Variants in EPS15 observed in about 807,000 individuals in gnomAD.
EPS15 encodes the protein epidermal growth factor receptor pathway substrate 15, also known as epidermal growth factor receptor substrate 15.
EPS15 carries 72 observed loss-of-function variants against 113.8 expected under a neutral mutation model. The observed-to-expected ratio is 0.63, with a 90% CI of 0.52 to 0.77. The LOEUF is 0.77. Ranked by LOEUF, EPS15 falls within the 30% of genes least tolerant of loss-of-function variation. The pLI, the probability that EPS15 is intolerant of heterozygous loss-of-function variation, is 0.00. For missense variants in EPS15, 1,048 were observed against 1,045.8 expected, an observed-to-expected ratio of 1.00 and a Z score of -0.03; for synonymous variants, 344 against 363.4, an observed-to-expected ratio of 0.95 and a Z score of 0.61.
At chr1:51,407,709 C>T (rs72694192) in intron 15 of EPS15, among the ~76,000 whole-genome samples, 4,581 of 152,266 alleles carry the variant, frequency 0.03, 73 homozygotes, top group African/African-American at 0.05. Context: ...GTTTATAAAA[C>T]AGGCAACACT....
intron 8 of EPS15, chr1:51,458,677 C>A: frequency 2.7e-6 from 1 of 367,950 alleles, no homozygotes; most frequent in African/African-American, 2.2e-5. Context: ...GCCGAGGCTG[C>A]AGTGAGCTGA....
intron 21 of EPS15, chr1:51,372,363 T>C (rs1342490514): frequency 1.9e-6 from 1 of 536,392 alleles, no homozygotes; most frequent in African/African-American, 1.9e-5. Flanking sequence ...AAACCAGCAG[T>C]GCATTGTTGG....
chr1:51,429,347 CA>C (rs531509808), intron 12 of EPS15, among the ~76,000 whole-genome samples: 148 of 141,046 alleles, frequency 1.0e-3, no homozygotes, highest in South Asian at 2.6e-3. Context: ...AACTCTGTCT[CA>C]AAAAAAAAAA....
intron 23 of EPS15, among the ~76,000 whole-genome samples, chr1:51,363,494 TA>T: frequency 6.6e-6 from 1 of 152,220 alleles, no homozygotes; most frequent in South Asian, 2.1e-4. Context: ...TTCTCTTAAA[TA>T]AATTATAATT....
intron 1 of EPS15, among the ~76,000 whole-genome samples, chr1:51,491,094 G>A (rs1282238867): frequency 6.6e-6 from 1 of 152,240 alleles, no homozygotes; most frequent in African/African-American, 2.4e-5. Context: ...ATCAGGGCCA[G>A]GTAGTAAAAG....
intron 1 of EPS15, among the ~76,000 whole-genome samples, chr1:51,491,190 A>C (rs1644226602): frequency 6.6e-6 from 1 of 152,218 alleles, no homozygotes; most frequent in South Asian, 2.1e-4. Context: ...CTCTTAATGC[A>C]CACAATTTTC....
chr1:51,458,486 C>T (rs969995806), intron 8 of EPS15: 6 of 426,778 alleles, frequency 1.4e-5, no homozygotes, highest in South Asian at 3.2e-5. Context: ...CCTGTAATCC[C>T]GGCACTTTGG....
chr1:51,487,249 C>T (rs896779104), intron 1 of EPS15, among the ~76,000 whole-genome samples: 13 of 151,646 alleles, frequency 8.6e-5, no homozygotes, highest in African/African-American at 2.4e-4. Context: ...CAGATTTGAC[C>T]GAGAAACTGA....
intron 1 of EPS15, among the ~76,000 whole-genome samples, chr1:51,495,332 GTTTTATTTAT>G (rs1644306331): frequency 6.6e-6 from 1 of 150,878 alleles, no homozygotes; most frequent in South Asian, 2.1e-4. Context: ...GACAAAGTGA[GTTTTATTTAT>G]TTTTATTTTT....
In EPS15 at chr1:51,437,492, ATT is replaced by A. The variant is rs765352350; in HGVS notation, c.1040+2853_1040+2854del. Among the ~76,000 whole-genome samples, 583 of 136,798 alleles carry A rather than the reference ATT, an allele frequency of 4.3e-3. 2 individuals carry two copies. Among genetic ancestry groups the A allele is most frequent in the African/African-American group, 0.014 (529 of 37,272 alleles). The allele number at this position is 136,798 out of a possible 152,430, so 89.7% of individuals were successfully genotyped here. A position where few individuals can be genotyped will look rare whatever the true frequency, so the allele number is the denominator to read the frequency against. ...TTGATCCCTGGACTAAAAAAAAAAA[ATT>A]TTTTTTTTTTTTTTTTGAGACAAGA... On this transcript the variant is annotated intron_variant, in intron 12 of 24. Coordinates refer to ENST00000371733, the MANE Select transcript of EPS15 (RefSeq NM_001981.3).
intron 8 of EPS15, among the ~76,000 whole-genome samples, chr1:51,450,530 T>C (rs1413126139): frequency 1.3e-5 from 2 of 151,872 alleles, no homozygotes; most frequent in African/African-American, 2.4e-5. Flanking sequence ...ATATGAAATA[T>C]ACATGTTAAT....
At chr1:51,385,964 G>C (rs747966897) in intron 21 of EPS15, among the ~76,000 whole-genome samples, 8 of 152,084 alleles carry the variant, frequency 5.3e-5, no homozygotes, top group Non-Finnish European at 7.4e-5. Flanking sequence ...TGGTGGTGAT[G>C]ATTGCACAAC....
chr1:51,399,445 G>A (rs888934419), intron 19 of EPS15, among the ~76,000 whole-genome samples: 12 of 151,900 alleles, frequency 7.9e-5, no homozygotes, highest in Non-Finnish European at 1.5e-4. Flanking sequence ...CCAGCTACTC[G>A]GGAGGCTGAG....
intron 21 of EPS15, among the ~76,000 whole-genome samples, chr1:51,385,604 C>T (rs958030029): frequency 8.5e-5 from 13 of 152,178 alleles, no homozygotes; most frequent in African/African-American, 2.7e-4. Flanking sequence ...TCTGTACCCT[C>T]ACATTCACAG....
chr1:51,357,376 GAAAAAA>G (rs56655497), intron 24 of EPS15, among the ~76,000 whole-genome samples: 496 of 33,088 alleles, frequency 0.015, 4 homozygotes, highest in Middle Eastern at 0.088. Context: ...GATTCCATCT[GAAAAAA>G]AAAAAAAAAA....
In EPS15 at chr1:51,356,522, A is replaced by C; in HGVS notation, c.*178T>G. 1 of 505,952 alleles carries C rather than the reference A, an allele frequency of 2.0e-6. No individual in the cohort carries two copies. Among genetic ancestry groups the C allele is most frequent in the South Asian group, 3.3e-5 (1 of 30,360 alleles). 31.3% of individuals were successfully genotyped at this position (505,952 alleles called of 1,614,324 possible). ...TGGGTTACGGCTTTTATAAGAAAAA[A>C]AAAAAAAGACGAATCTGTAATGAAG... On this transcript the variant is annotated 3_prime_UTR_variant, in exon 25 of 25. Transcript: ENST00000371733.
At chr1:51,463,618 T>C (rs754096941) in intron 7 of EPS15, 55 bp downstream of exon 7, 32 of 1,011,506 alleles carry the variant, frequency 3.2e-5, no homozygotes, top group Admixed American at 1.2e-4. Flanking sequence ...CCTGGCATAA[T>C]AGATATAAAA....
intron 15 of EPS15, among the ~76,000 whole-genome samples, chr1:51,407,516 T>C (rs1649245093): frequency 6.6e-6 from 1 of 152,140 alleles, no homozygotes; most frequent in African/African-American, 2.4e-5. Context: ...TATCTTATCA[T>C]TCATTAAAAC....
intron 1 of EPS15, among the ~76,000 whole-genome samples, chr1:51,513,077 C>T (rs576541318): frequency 4.1e-4 from 62 of 152,094 alleles, no homozygotes; most frequent in African/African-American, 1.4e-3. Context: ...TCAATCCTTC[C>T]GCCTCAGCCT....
Sources: gnomAD v4.1 joint callset for allele counts (sites outside exome capture counted in the v4.1 genomes callset) on GRCh38, gnomAD v4.1.1 for gene constraint, MANE v1.5 for transcripts, NCBI Gene and HGNC (gene_info 2026-07-23, HGNC 2026-07-21) for gene names.